DGKH: variants seen among roughly 807,000 people sequenced by gnomAD.
DGKH encodes the protein DAG kinase eta.
DGKH carries 90 observed loss-of-function variants against 159.3 expected under a neutral mutation model. The observed-to-expected ratio is 0.57, with a 90% CI of 0.48 to 0.67. The LOEUF is 0.67. Ranked by LOEUF, DGKH falls within the 30% of genes least tolerant of loss-of-function variation. The pLI is 0.00. For synonymous variants in DGKH, 536 were observed against 553.8 expected (o/e 0.97, Z 0.45); for missense variants, 1,181 against 1,506.1 (o/e 0.78, Z 3.57).
Position 42,189,110 on chromosome 13 carries a change from C to T in DGKH, c.1713C>T (p.Leu571=). The T allele has an allele frequency of 6.2e-7, 1 of 1,614,256 alleles. No individual in the cohort carries two copies. The highest frequency in any genetic ancestry group is 8.5e-7 in the Non-Finnish European group (1 of 1,180,042). Residue 571 remains leucine (L), a synonymous_variant, in exon 15 of 30, where the codon CTC becomes CTT. Coordinates refer to ENST00000337343, the MANE Select transcript of DGKH (RefSeq NM_178009.5). ...LHTDSQAAPV[L]PGLSPLIVEE... ...CAGATTCCCAGGCTGCGCCTGTTCT[C>T]CCTGGCCTCAGCCCTCTCATTGTGG...
At chr13:42,150,475 T>C (rs911370871) in intron 3 of DGKH, among the ~76,000 whole-genome samples, 2 of 152,216 alleles carry the variant, frequency 1.3e-5, no homozygotes, top group South Asian at 2.1e-4. Context: ...TTACCTCTTA[T>C]ATACACCAGT....
At chr13:42,108,874 A>C (rs1409018125) in intron 1 of DGKH, among the ~76,000 whole-genome samples, 1 of 147,926 alleles carries the variant, frequency 6.8e-6, no homozygotes, top group African/African-American at 2.5e-5. Context: ...GGACAGAGGC[A>C]GCGAGAGGAT....
chr13:42,090,539 A>G (rs1227172924), intron 1 of DGKH, among the ~76,000 whole-genome samples: 1 of 152,248 alleles, frequency 6.6e-6, no homozygotes, highest in Non-Finnish European at 1.5e-5. Flanking sequence ...ACTGGCATAA[A>G]GACAGACATA....
chr13:42,104,425 G>A (rs916872763), intron 1 of DGKH, among the ~76,000 whole-genome samples: 1 of 152,242 alleles, frequency 6.6e-6, no homozygotes, highest in African/African-American at 2.4e-5. Flanking sequence ...GCATTTCATT[G>A]GCAAGATCTT....
chr13:42,214,466 C>T, intron 24 of DGKH, 41 bp from the exon 25 acceptor site: 1 of 1,587,340 alleles, frequency 6.3e-7, no homozygotes, highest in Non-Finnish European at 8.6e-7. Context: ...GAGCAATACT[C>T]AAAAAAGTTT....
intron 24 of DGKH, among the ~76,000 whole-genome samples, chr13:42,211,334 A>G (rs1397817641): frequency 6.6e-6 from 1 of 152,176 alleles, no homozygotes; most frequent in African/African-American, 2.4e-5. Context: ...TGAGTCCTAT[A>G]AGCACATTGT....
In DGKH at chr13:42,219,340, T is replaced by A. The variant is rs150235667; in HGVS notation, c.3324T>A (p.Asn1108Lys). 1.2e-6 allele frequency: 2 copies of A among 1,613,708 alleles called. No individual in the cohort carries two copies. Among genetic ancestry groups the A allele is most frequent in the Non-Finnish European group, 1.7e-6 (2 of 1,179,820 alleles). Reference sequence around the variant, plus strand: ...GGCTTTATTATATCTTACACCCAAATGAGGATGAGGTATGTAAAATTCAGC... The same window carrying A: ...GGCTTTATTATATCTTACACCCAAAAGAGGATGAGGTATGTAAAATTCAGC... ...IPWLYYILHP[N>K]EDEEPPMDCT... Residue 1108 changes from asparagine (N) to lysine (K), a missense_variant, in exon 27 of 30, where the codon AAT (asparagine) becomes AAA (lysine). By Grantham distance (94) the Asn-to-Lys change is moderately conservative. Transcript: ENST00000337343.
chr13:42,131,511 A>G (rs1955289773), intron 3 of DGKH, among the ~76,000 whole-genome samples: 1 of 152,200 alleles, frequency 6.6e-6, no homozygotes, highest in Admixed American at 6.5e-5. Context: ...CTGTTTTCTC[A>G]TTGAAATTGA....
intron 1 of DGKH, among the ~76,000 whole-genome samples, chr13:42,100,751 C>T (rs985570868): frequency 2.6e-5 from 4 of 152,164 alleles, no homozygotes; most frequent in Non-Finnish European, 4.4e-5. Flanking sequence ...GAATTCAACC[C>T]GCCTTACTCT....
At chr13:42,044,804 G>A (rs1231887576), upstream of DGKH, among the ~76,000 whole-genome samples, 5 of 152,176 alleles carry the variant, frequency 3.3e-5, no homozygotes, top group African/African-American at 1.2e-4. Context: ...TCAAATTTCA[G>A]TGGAAATAGA....
At chr13:42,170,335 C>G (rs932108236) in intron 11 of DGKH, among the ~76,000 whole-genome samples, 32 of 152,156 alleles carry the variant, frequency 2.1e-4, no homozygotes, top group Admixed American at 5.9e-4. Context: ...ATCACTTGAG[C>G]CCAGGAGGTG....
At chr13:42,207,149 CCTTCCTTCCTTCCTTCCTTCCTTCCT>C (rs1957524647) in intron 21 of DGKH, among the ~76,000 whole-genome samples, 1 of 72,346 alleles carries the variant, frequency 1.4e-5, no homozygotes, top group African/African-American at 5.8e-5. Flanking sequence ...TTCCTTCCTT[CCTTCCTTCCTTCCTTCCTTCCTTCCT>C]TCCTTCCTTC....
At chr13:42,049,780 C>G (rs1881131005) in intron 1 of DGKH, among the ~76,000 whole-genome samples, 1 of 152,208 alleles carries the variant, frequency 6.6e-6, no homozygotes, top group Admixed American at 6.5e-5. Context: ...GTGCTGTCGA[C>G]CTGTGAGGTC....
At chr13:42,168,575 G>C (rs752096036) in intron 10 of DGKH, 27 bp downstream of exon 10, 2 of 1,613,824 alleles carry the variant, frequency 1.2e-6, no homozygotes, top group Admixed American at 3.3e-5. Flanking sequence ...TTACTTGCTA[G>C]TTAACATGAA....
At chr13:42,166,847 T>C (rs1160608475) in intron 9 of DGKH, among the ~76,000 whole-genome samples, 173 bp downstream of exon 9, 1 of 152,234 alleles carries the variant, frequency 6.6e-6, no homozygotes, top group Non-Finnish European at 1.5e-5. Flanking sequence ...CTGTCTTGTA[T>C]AAATTCCTAA....
intron 3 of DGKH, among the ~76,000 whole-genome samples, chr13:42,151,694 G>A (rs1955908992): frequency 6.7e-6 from 1 of 150,286 alleles, no homozygotes; most frequent in Non-Finnish European, 1.5e-5. Flanking sequence ...TCTGTTGATG[G>A]ATACTGGATA....
chr13:42,125,365 T>C lies in DGKH; in HGVS notation c.193-2098T>C, dbSNP rs1955149948. On this transcript the variant is annotated intron_variant, in intron 1 of 29. Coordinates refer to ENST00000337343, the MANE Select transcript of DGKH (RefSeq NM_178009.5). ...TCTGCCATCTATTGAATGTTTTCTC[T>C]AACCCAGACAGTGTGCTAAGTGCTC... is the stretch of plus-strand genomic sequence containing the variant. Among the ~76,000 whole-genome samples the C allele has an allele frequency of 5.3e-5, 8 of 152,352 alleles. 1 individual carries two copies. The South Asian group carries it at 1.7e-3, about 32-fold the overall frequency.
At chr13:42,161,568 T>C (rs990637371) in intron 7 of DGKH, among the ~76,000 whole-genome samples, 9 of 139,176 alleles carry the variant, frequency 6.5e-5, no homozygotes, top group Non-Finnish European at 1.6e-5. Context: ...GATCATGGGG[T>C]CAGGAGATCA....
chr13:42,208,160 T>TA (rs978171845), intron 21 of DGKH, among the ~76,000 whole-genome samples: 7 of 152,108 alleles, frequency 4.6e-5, no homozygotes, highest in Admixed American at 2.6e-4. Context: ...GGCAGTATAA[T>TA]AAAAAAATTA....
Sources: allele counts gnomAD v4.1 joint callset (sites outside exome capture counted in the v4.1 genomes callset), GRCh38; gene constraint gnomAD v4.1.1; transcripts MANE v1.5; gene names NCBI Gene and HGNC (gene_info 2026-07-23, HGNC 2026-07-21).